ATP10B: variants seen among roughly 807,000 people sequenced by gnomAD.
The protein encoded by ATP10B is ATPase phospholipid transporting 10B (putative).
In ATP10B, 122 loss-of-function variants were observed where a neutral mutation model predicts 141.2. The observed-to-expected ratio is 0.86, with a 90% confidence interval of 0.75 to 1.00. The LOEUF (loss-of-function observed/expected upper bound fraction) is 1.00, where lower values mean the gene tolerates loss of function less well. ATP10B is among the 50% of genes least tolerant of loss of function. ATP10B has a pLI of 0.00. For synonymous variants in ATP10B, 685 were observed against 692.0 expected (o/e 0.99, Z 0.16); for missense variants, 1,876 against 1,825.3 (o/e 1.03, Z -0.51).
chr5:160,902,855 A>G, the ATP10B span, among the ~76,000 whole-genome samples: 2 of 152,318 alleles, frequency 1.3e-5, no homozygotes, highest in African/African-American at 4.8e-5. Context: ...AAAAATCACA[A>G]AGTCAGATGA....
At chr5:160,819,056 A>G (rs1378416438) in intron 1 of ATP10B, among the ~76,000 whole-genome samples, 1 of 152,154 alleles carries the variant, frequency 6.6e-6, no homozygotes, top group African/African-American at 2.4e-5. Flanking sequence ...GCTAATGACG[A>G]GTTAATGGGT....
intron 1 of ATP10B, among the ~76,000 whole-genome samples, chr5:160,841,930 G>T (rs1775833380): frequency 1.3e-5 from 2 of 152,012 alleles, no homozygotes; most frequent in African/African-American, 4.8e-5. Flanking sequence ...TCACCATGTT[G>T]GCCAAGGAGG....
chr5:160,789,609 A>G (rs926471928), intron 1 of ATP10B, among the ~76,000 whole-genome samples: 2 of 152,182 alleles, frequency 1.3e-5, no homozygotes, highest in African/African-American at 4.8e-5. Context: ...GTGGCACATG[A>G]CTGTACTGCT....
intron 1 of ATP10B, among the ~76,000 whole-genome samples, chr5:160,823,680 A>G (rs1230173099): frequency 2.0e-5 from 3 of 152,032 alleles, no homozygotes; most frequent in African/African-American, 7.2e-5. Flanking sequence ...TAAAGATACA[A>G]AAAATTAGCC....
At chr5:160,774,732 T>TA (rs754640298) in intron 2 of ATP10B, among the ~76,000 whole-genome samples, 4 of 152,186 alleles carry the variant, frequency 2.6e-5, no homozygotes, top group African/African-American at 7.2e-5. Flanking sequence ...TGCTGGGTGT[T>TA]ACGTTTTGCA....
chr5:160,806,123 T>C (rs1772754707), intron 1 of ATP10B, among the ~76,000 whole-genome samples: 1 of 152,224 alleles, frequency 6.6e-6, no homozygotes, highest in Non-Finnish European at 1.5e-5. Context: ...GGGACAGCCA[T>C]CTGCTTTACT....
At chr5:160,791,008 G>A (rs1285588623) in intron 1 of ATP10B, among the ~76,000 whole-genome samples, 1 of 152,104 alleles carries the variant, frequency 6.6e-6, no homozygotes, top group African/African-American at 2.4e-5. Context: ...GAGGAAGGGG[G>A]TCATGAGCCA....
At chr5:160,754,234 T>C (rs1768356214) in intron 2 of ATP10B, among the ~76,000 whole-genome samples, 1 of 152,208 alleles carries the variant, frequency 6.6e-6, no homozygotes, top group Non-Finnish European at 1.5e-5. Context: ...AGAAACATCG[T>C]TGTCATCTTC....
At chr5:160,921,626 G>A in the ATP10B span, among the ~76,000 whole-genome samples, 2,230 of 152,322 alleles carry the variant, frequency 0.015, 52 homozygotes, top group African/African-American at 0.051. Flanking sequence ...TTTGTGATAA[G>A]AAATACTCAT....
intron 22 of ATP10B, among the ~76,000 whole-genome samples, chr5:160,595,968 A>G (rs1408280291): frequency 8.5e-5 from 13 of 152,236 alleles, no homozygotes; most frequent in South Asian, 2.1e-4. Flanking sequence ...GAGGTACAAG[A>G]AGGAAGTGGT....
chr5:160,603,238 A>C (rs1187709814), intron 20 of ATP10B: 1 of 155,246 alleles, frequency 6.4e-6, no homozygotes, highest in Non-Finnish European at 1.4e-5. Flanking sequence ...CCTGTTTATA[A>C]GTCCTGGTAT....
chr5:160,742,138 A>G lies in ATP10B; in HGVS notation c.-330-25104T>C, dbSNP rs189442170. Among the ~76,000 whole-genome samples, 288 of 152,322 alleles carry G rather than the reference A, an allele frequency of 1.9e-3. 2 individuals are homozygous for G. The highest frequency in any genetic ancestry group is 6.7e-3 in the African/African-American group (278 of 41,578). ...GGGTTAAATGATATCTACTTCTGGT[A>G]CTGCAAGGGCTAGCTAGCATGGGAC... On this transcript the variant is annotated intron_variant, in intron 2 of 25. Coordinates refer to ENST00000327245, the MANE Select transcript of ATP10B (RefSeq NM_025153.3).
intron 3 of ATP10B, among the ~76,000 whole-genome samples, chr5:160,708,395 T>C (rs1765148221): frequency 1.3e-5 from 2 of 151,994 alleles, no homozygotes; most frequent in Non-Finnish European, 2.9e-5. Context: ...ATCTAGTGAG[T>C]GGATAATTAA....
At chr5:160,904,423 G>T in the ATP10B span, among the ~76,000 whole-genome samples, 1 of 152,122 alleles carries the variant, frequency 6.6e-6, no homozygotes, top group Admixed American at 6.5e-5. Context: ...TAGGTGCACA[G>T]TCCTGACAAG....
intron 7 of ATP10B, among the ~76,000 whole-genome samples, chr5:160,652,912 TG>T (rs1760931851): frequency 1.5e-5 from 1 of 68,018 alleles, no homozygotes; most frequent in African/African-American, 8.2e-5. Flanking sequence ...TATATATACA[TG>T]TATATATAAT....
the ATP10B span, among the ~76,000 whole-genome samples, chr5:160,926,550 T>G: frequency 1.5e-4 from 23 of 152,342 alleles, no homozygotes; most frequent in African/African-American, 4.3e-4. Flanking sequence ...AGATGTCTCT[T>G]AAATCAAACA....
intron 2 of ATP10B, among the ~76,000 whole-genome samples, chr5:160,781,074 G>C (rs1397416236): frequency 6.6e-6 from 1 of 152,126 alleles, no homozygotes; most frequent in Non-Finnish European, 1.5e-5. Context: ...TGTACTCTTA[G>C]TATTTATGTG....
chr5:160,694,693 G>A (rs544724163), intron 3 of ATP10B, among the ~76,000 whole-genome samples: 2 of 152,070 alleles, frequency 1.3e-5, no homozygotes, highest in Non-Finnish European at 2.9e-5. Context: ...TCACTGTTAC[G>A]GGATAAATCA....
chr5:160,629,276 C>T (rs751133322), intron 13 of ATP10B, among the ~76,000 whole-genome samples: 9 of 151,978 alleles, frequency 5.9e-5, no homozygotes, highest in East Asian at 1.9e-4. Context: ...TCTCTAGGGA[C>T]GGCTTCAAGG....
Sources: allele counts gnomAD v4.1 joint callset (sites outside exome capture counted in the v4.1 genomes callset), GRCh38; gene constraint gnomAD v4.1.1; transcripts MANE v1.5; gene names NCBI Gene and HGNC (gene_info 2026-07-23, HGNC 2026-07-21).